UBAC2: variants seen among roughly 807,000 people sequenced by gnomAD.
The protein encoded by UBAC2 is UBA domain containing 2.
In UBAC2, 26 loss-of-function variants were observed where a neutral mutation model predicts 44.0. The ratio of observed to expected loss-of-function variants is 0.59; its 90% CI spans 0.43 to 0.82. The LOEUF (loss-of-function observed/expected upper bound fraction) is 0.82, where lower values mean the gene tolerates loss of function less well. UBAC2 is among the 40% of genes least tolerant of loss of function. UBAC2 has a pLI of 0.00. For missense variants in UBAC2, 329 were observed against 419.4 expected (o/e 0.78, Z 1.88); for synonymous variants, 155 against 154.3 (o/e 1.00, Z -0.04).
intron 6 of UBAC2, among the ~76,000 whole-genome samples, chr13:99,333,919 C>T (rs914753592): frequency 2.6e-5 from 4 of 152,064 alleles, no homozygotes; most frequent in African/African-American, 9.7e-5. Flanking sequence ...TATGCATTTT[C>T]ATTATATTTT....
At chr13:99,216,956 G>A (rs1249661539) in intron 1 of UBAC2, among the ~76,000 whole-genome samples, 4 of 151,150 alleles carry the variant, frequency 2.6e-5, no homozygotes, top group Non-Finnish European at 5.9e-5. Context: ...TCAGCCTCCC[G>A]AGTAGCTGGG....
intron 7 of UBAC2, chr13:99,351,844 G>A (rs745748389): frequency 2.0e-5 from 9 of 445,280 alleles, no homozygotes; most frequent in South Asian, 7.9e-5. Context: ...TGGGCTGCCC[G>A]GTGTTAACTG....
At chr13:99,264,459 G>A (rs572540748) in intron 4 of UBAC2, among the ~76,000 whole-genome samples, 7 of 152,330 alleles carry the variant, frequency 4.6e-5, no homozygotes, top group African/African-American at 1.7e-4. Context: ...AGTGCATGCT[G>A]TAGACACTAA....
chr13:99,323,003 T>C (rs535640299), intron 6 of UBAC2, among the ~76,000 whole-genome samples: 15 of 152,264 alleles, frequency 9.9e-5, no homozygotes, highest in Non-Finnish European at 1.8e-4. Context: ...CAGCATAACC[T>C]GCTGTGGAAG....
At chr13:99,371,637 A>G (rs918163844) in intron 8 of UBAC2, among the ~76,000 whole-genome samples, 7 of 152,310 alleles carry the variant, frequency 4.6e-5, no homozygotes, top group African/African-American at 1.7e-4. Context: ...TTTTTTGCTT[A>G]CTTTTTCAAT....
At chr13:99,339,622 A>G (rs956961387) in intron 6 of UBAC2, among the ~76,000 whole-genome samples, 1 of 148,024 alleles carries the variant, frequency 6.8e-6, no homozygotes, top group African/African-American at 2.5e-5. Flanking sequence ...AATCCTAAGA[A>G]TCAAATTCAC....
At chr13:99,239,706 G>A (rs998559617) in intron 2 of UBAC2, among the ~76,000 whole-genome samples, 1 of 152,208 alleles carries the variant, frequency 6.6e-6, no homozygotes, top group African/African-American at 2.4e-5. Context: ...CCACTCTTCT[G>A]TCCAGGAATG....
intron 7 of UBAC2, among the ~76,000 whole-genome samples, 184 bp from the exon 8 acceptor site, chr13:99,367,603 A>G (rs1173308999): frequency 6.6e-6 from 1 of 152,148 alleles, no homozygotes; most frequent in Non-Finnish European, 1.5e-5. Context: ...CAGGCTGCCA[A>G]TTTTGTGCTA....
rs998796601 is a variant in UBAC2, at chr13:99,385,549, T to C, written c.*214T>C. 8.7e-6 allele frequency: 3 copies of C among 344,752 alleles called. No homozygotes were observed. Among genetic ancestry groups the C allele is most frequent in the African/African-American group, 7.7e-5 (3 of 38,898 alleles). The allele number at this position is 344,752 out of a possible 1,614,324, so 21.4% of individuals were successfully genotyped here. On this transcript the variant is annotated 3_prime_UTR_variant, in exon 9 of 9. Transcript: ENST00000403766. ...CATTAGCATGTATTTTCTATCTATA[T>C]TTTTTATTGGGCATTTTCCCTAGGT...
In UBAC2 at chr13:99,265,521, T is replaced by A. The variant is rs142519269; in HGVS notation, c.389+20897T>A. On this transcript the variant is annotated intron_variant, in intron 4 of 8. Coordinates refer to ENST00000403766, the MANE Select transcript of UBAC2 (RefSeq NM_001144072.2). The stretch of plus-strand genomic sequence containing the variant: ...CAGGTTTTAGAACTGGAGTTTGAAG[T>A]ATCTGTGACACATCTCTCTTTGACA... Among the ~76,000 whole-genome samples, 467 of 152,374 alleles carry A rather than the reference T, an allele frequency of 3.1e-3. 1 individual carries two copies. The highest frequency in any genetic ancestry group is 5.6e-3 in the Non-Finnish European group (380 of 68,032).
chr13:99,385,185 C>T, intron 8 of UBAC2, 43 bp from the exon 9 acceptor site: 3 of 1,426,422 alleles, frequency 2.1e-6, no homozygotes, highest in Non-Finnish European at 3.0e-6. Flanking sequence ...GGATAAGCGG[C>T]AATGTCAGCG....
At chr13:99,236,737 G>C (rs2043237442) in intron 1 of UBAC2, among the ~76,000 whole-genome samples, 1 of 152,016 alleles carries the variant, frequency 6.6e-6, no homozygotes, top group Admixed American at 6.6e-5. Flanking sequence ...GTAATCCCAG[G>C]TACTTGGTAG....
intron 4 of UBAC2, among the ~76,000 whole-genome samples, chr13:99,271,557 T>TG (rs1039203374): frequency 1.3e-5 from 2 of 152,200 alleles, no homozygotes; most frequent in African/African-American, 4.8e-5. Flanking sequence ...CATGATGCTT[T>TG]GGGAGATGAA....
At chr13:99,308,290 G>C (rs576495464) in intron 4 of UBAC2, among the ~76,000 whole-genome samples, 2 of 152,326 alleles carry the variant, frequency 1.3e-5, no homozygotes, top group South Asian at 4.1e-4. Context: ...GGCCTGGATA[G>C]CAGGTCTTAG....
chr13:99,282,592 T>C (rs974609585), intron 4 of UBAC2, among the ~76,000 whole-genome samples: 3 of 152,188 alleles, frequency 2.0e-5, no homozygotes, highest in Non-Finnish European at 4.4e-5. Flanking sequence ...TATTTATAAC[T>C]GTTGGGCTAG....
chr13:99,332,702 T>G (rs1189085058), intron 6 of UBAC2, among the ~76,000 whole-genome samples: 1 of 152,188 alleles, frequency 6.6e-6, no homozygotes, highest in Non-Finnish European at 1.5e-5. Context: ...TCTTTGTTCC[T>G]TTTTGCTTTA....
At chr13:99,244,371 A>ATATATTCACACATATGCATGTGTG in intron 3 of UBAC2, 144 bp from the exon 4 acceptor site, 1 of 496,432 alleles carries the variant, frequency 2.0e-6, no homozygotes, top group Non-Finnish European at 3.5e-6. Flanking sequence ...AATTTCAAAT[A>ATATATTCACACATATGCATGTGTG]TATATACACA....
At chr13:99,253,642 T>C (rs1244751458) in intron 4 of UBAC2, among the ~76,000 whole-genome samples, 1 of 152,050 alleles carries the variant, frequency 6.6e-6, no homozygotes, top group Non-Finnish European at 1.5e-5. Flanking sequence ...GCTTCCCGAG[T>C]AGCTGGGATT....
At chr13:99,291,819 T>C (rs1431179336) in intron 4 of UBAC2, among the ~76,000 whole-genome samples, 1 of 152,222 alleles carries the variant, frequency 6.6e-6, no homozygotes, top group African/African-American at 2.4e-5. Flanking sequence ...GATATTTCAG[T>C]AGGGCTTTAG....
Sources: gnomAD v4.1 joint callset for allele counts (sites outside exome capture counted in the v4.1 genomes callset) on GRCh38, gnomAD v4.1.1 for gene constraint, MANE v1.5 for transcripts, NCBI Gene and HGNC (gene_info 2026-07-23, HGNC 2026-07-21) for gene names.